CSK: variants seen among roughly 807,000 people sequenced by gnomAD.
CSK encodes the protein C-terminal Src kinase, also known as tyrosine-protein kinase CSK.
CSK carries 7 observed loss-of-function variants against 62.3 expected under a neutral mutation model. That is an observed-to-expected ratio of 0.11 (90% confidence interval 0.06 to 0.21). The LOEUF (loss-of-function observed/expected upper bound fraction) is 0.21, where lower values mean the gene tolerates loss of function less well. CSK is among the 10% of genes least tolerant of loss of function. The probability of loss-of-function intolerance (pLI) is 1.00; values close to 1 mark genes in which losing one functional copy is unlikely to be tolerated. For missense variants in CSK, 294 were observed against 613.5 expected, an observed-to-expected ratio of 0.48 and a Z score of 5.50; for synonymous variants, 237 against 246.0, an observed-to-expected ratio of 0.96 and a Z score of 0.34.
In CSK at chr15:74,786,002, C is replaced by CTTTTTTTTTTTTT. The variant is rs536939856; in HGVS notation, c.-66+3294_-66+3295insTTTTTTTTTTTTT. On this transcript the variant is annotated intron_variant, in intron 1 of 12. Transcript: ENST00000220003. ...AGGCCTCTTCTCTCTCTCTCTCTCT[C>CTTTTTTTTTTTTT]TTTTTTTTTTTTGTGTGTGTGTGTG... is the stretch of plus-strand genomic sequence containing the variant. Among the ~76,000 whole-genome samples, 26 of 73,618 alleles carry CTTTTTTTTTTTTT rather than the reference C, an allele frequency of 3.5e-4. 1 individual carries two copies. Among genetic ancestry groups the CTTTTTTTTTTTTT allele is most frequent in the Middle Eastern group, 0.018 (2 of 114 alleles). The allele number at this position is 73,618 out of a possible 152,430, so 48.3% of individuals were successfully genotyped here.
Position 74,793,525 on chromosome 15 carries a change from G to A in CSK, c.-65-4708G>A, listed in dbSNP as rs114733043. Among the ~76,000 whole-genome samples the A allele has an allele frequency of 5.3e-3, 811 of 152,310 alleles. 8 individuals carry two copies. The highest frequency in any genetic ancestry group is 0.018 in the African/African-American group (761 of 41,560). On this transcript the variant is annotated intron_variant, in intron 1 of 12. Transcript: ENST00000220003. ...AGCTCAGGAGTTTGACACCTGAGGG[G>A]GACAGAATGCTCACTCAAGGTGTGG...
At position 74,802,963 on chromosome 15, in the gene CSK, G is replaced by C. The variant is rs912764693; in HGVS notation, c.*450G>C. ...GTGGGGGGGACCGGGCCCCTCTCTA[G>C]GGACCCCTCGCCCCAGCCTCATTCC... On this transcript the variant is annotated 3_prime_UTR_variant, in exon 13 of 13. Transcript: ENST00000220003. The C allele has an allele frequency of 2.3e-5, 4 of 171,800 alleles. No individual in the cohort carries two copies. The highest frequency in any genetic ancestry group is 1.3e-4 in the Admixed American group (2 of 15,384). The allele number at this position is 171,800 out of a possible 1,614,324, so 10.6% of individuals were successfully genotyped here. A position where few individuals can be genotyped will look rare whatever the true frequency, so the allele number is the denominator to read the frequency against.
chr15:74,802,114 C>A (rs1402718176), intron 12 of CSK, 31 bp downstream of exon 12: 19 of 1,605,762 alleles, frequency 1.2e-5, no homozygotes, highest in Non-Finnish European at 1.4e-5. Context: ...CAGGGTGGCT[C>A]TTGGAGCACC....
intron 1 of CSK, among the ~76,000 whole-genome samples, chr15:74,789,834 A>G (rs2063589883): frequency 6.6e-6 from 1 of 152,186 alleles, no homozygotes. Flanking sequence ...GGCACTGAAC[A>G]TACCAGGCCA....
intron 1 of CSK, among the ~76,000 whole-genome samples, chr15:74,786,627 G>T (rs1313862464): frequency 6.6e-6 from 1 of 152,158 alleles, no homozygotes; most frequent in Admixed American, 6.5e-5. Flanking sequence ...TGTTCCCCAG[G>T]TCTAACCTGA....
intron 1 of CSK, among the ~76,000 whole-genome samples, chr15:74,786,770 T>C (rs2063528087): frequency 6.6e-6 from 1 of 152,132 alleles, no homozygotes. Context: ...ACCCTGGGCC[T>C]AAGAGACTGT....
At chr15:74,789,384 G>A (rs982224381) in intron 1 of CSK, among the ~76,000 whole-genome samples, 3 of 152,206 alleles carry the variant, frequency 2.0e-5, no homozygotes, top group South Asian at 4.1e-4. Flanking sequence ...CGCAGGCTGC[G>A]GGGGTCAGTG....
At position 74,801,987 on chromosome 15, in the gene CSK, C is replaced by T; in HGVS notation, c.1084-10C>T. ...AGGATCTGACGCTGCTTCTTCCATC[C>T]ACATGGCAGAAATTCTCCACTAAGT... On this transcript the variant is annotated splice_polypyrimidine_tract_variant and intron_variant, in intron 11 of 12. Transcript: ENST00000220003. 1 of 1,613,346 alleles carries T rather than the reference C, an allele frequency of 6.2e-7. No homozygotes were observed. The highest frequency in any genetic ancestry group is 8.5e-7 in the Non-Finnish European group (1 of 1,179,546).
rs1313037569 is a variant in CSK at position 74,798,859 on chromosome 15, G to A, written c.163G>A (p.Gly55Ser). Residue 55 changes from glycine (G) to serine (S), a missense_variant, in exon 4 of 13, where the codon GGC (glycine) becomes AGC (serine). Around this residue, in one of 3 missense-constraint regions of CSK, gnomAD observed 202 missense variants for 415.7 expected, o/e 0.49. Coordinates refer to ENST00000220003, the MANE Select transcript of CSK (RefSeq NM_004383.3). This position sits in a 1 kb window ranked among gnomAD's most constrained non-coding sequence, Gnocchi z 6.6. Reference protein sequence around the residue: ...PNWYKAKNKVGREGIIPANYV... With the variant: ...PNWYKAKNKVSREGIIPANYV... The stretch of plus-strand genomic sequence containing the variant: ...CTGGTACAAAGCCAAAAACAAGGTG[G>A]GCCGTGAGGGCATCATCCCAGCCAA... 2 of 1,576,114 alleles carry A rather than the reference G, an allele frequency of 1.3e-6. No individual in the cohort carries two copies. Among genetic ancestry groups the A allele is most frequent in the Non-Finnish European group, 8.6e-7 (1 of 1,160,316 alleles).
At position 74,799,656 on chromosome 15, in the gene CSK, G is replaced by A. The variant is rs532572279; in HGVS notation, c.462+165G>A. Among the ~76,000 whole-genome samples the A allele has an allele frequency of 9.8e-5, 15 of 152,290 alleles. No homozygotes were observed. In the South Asian group the frequency reaches 2.5e-3, roughly 25 times the overall value. On this transcript the variant is annotated intron_variant, in intron 5 of 12. Transcript: ENST00000220003. ...CACACCTTGGTGGAGCAGCTGCTGC[G>A]TGCCAGGACTCACCTCTGACCCCAC...
In CSK at chr15:74,798,754, A is replaced by C. The variant is rs1471438640; in HGVS notation, c.129+26A>C. 1 of 1,609,316 alleles carries C rather than the reference A, an allele frequency of 6.2e-7. No individual in the cohort carries two copies. Among genetic ancestry groups the C allele is most frequent in the African/African-American group, 1.3e-5 (1 of 74,962 alleles). ...GTAATCAGGTGACGCCCACCCCACC[A>C]TCCCACTGCTGGGCCTTCCCTCTGC... On this transcript the variant is annotated intron_variant, in intron 3 of 12. Coordinates refer to ENST00000220003, the MANE Select transcript of CSK (RefSeq NM_004383.3). The surrounding 1 kb of genome is among the most constrained non-coding windows in gnomAD (Gnocchi z 6.6).
chr15:74,782,679 C>G lies in CSK; in HGVS notation c.-107C>G, dbSNP rs1261107169. ...GGACCGTCCCGCAGGCCGCTGATGC[C>G]GCCCGCGGCGAGGTGGCCCGGACCG... On this transcript the variant is annotated 5_prime_UTR_variant, in exon 1 of 13. Transcript: ENST00000220003. This position sits in a 1 kb window ranked among gnomAD's most constrained non-coding sequence, Gnocchi z 5.7. The G allele has an allele frequency of 6.5e-6, 1 of 153,074 alleles. No individual in the cohort carries two copies. The highest frequency in any genetic ancestry group is 2.4e-5 in the African/African-American group (1 of 41,546). 9.5% of individuals were successfully genotyped at this position (153,074 alleles called of 1,614,324 possible).
In CSK at chr15:74,801,081, C is replaced by G; in HGVS notation, c.792C>G (p.Ile264Met). The G allele has an allele frequency of 6.2e-7, 1 of 1,613,294 alleles. No homozygotes were observed. The highest frequency in any genetic ancestry group is 8.5e-7 in the Non-Finnish European group (1 of 1,179,974). Residue 264 changes from isoleucine to methionine, a missense_variant, in exon 9 of 13, where the codon ATC becomes ATG. Around this residue, in one of 3 missense-constraint regions of CSK, gnomAD observed 202 missense variants for 415.7 expected, o/e 0.49. Coordinates refer to ENST00000220003, the MANE Select transcript of CSK (RefSeq NM_004383.3). ...VIVEEKGGLY[I>M]VTEYMAKGSL... ...TGGAGGAGAAGGGCGGGCTCTACATCGTCACTGAGTACATGGCCAAGGTGG... is the reference window on the plus strand; with the variant it reads ...TGGAGGAGAAGGGCGGGCTCTACATGGTCACTGAGTACATGGCCAAGGTGG...
intron 4 of CSK, 22 bp from the exon 5 acceptor site, chr15:74,799,250 C>A: frequency 6.3e-7 from 1 of 1,596,280 alleles, no homozygotes; most frequent in Non-Finnish European, 8.5e-7. Context: ...CCACCATGAC[C>A]TCCAGCCCTG....
In CSK at chr15:74,800,396, C is replaced by T; in HGVS notation, c.463-16C>T. The T allele has an allele frequency of 3.1e-6, 5 of 1,612,096 alleles. No homozygotes were observed. Among genetic ancestry groups the T allele is most frequent in the Non-Finnish European group, 4.2e-6 (5 of 1,178,844 alleles). On this transcript the variant is annotated splice_polypyrimidine_tract_variant and intron_variant, in intron 5 of 12. Coordinates refer to ENST00000220003, the MANE Select transcript of CSK (RefSeq NM_004383.3). ...CTTGGGCTGTCTCTGAGCACCCTGC[C>T]CCCCACACCCTGCAGCACTACACCT...
At position 74,799,268 on chromosome 15, in the gene CSK, C is replaced by T; in HGVS notation, c.243-4C>T. On this transcript the variant is annotated splice_region_variant and splice_polypyrimidine_tract_variant and intron_variant, in intron 4 of 12. Transcript: ENST00000220003. ...CCATGACCTCCAGCCCTGCTGCTCC[C>T]CAGTTGGTTCCACGGCAAGATCACA... 6.2e-7 allele frequency: 1 copy of T among 1,605,680 alleles called. No homozygotes were observed. The highest frequency in any genetic ancestry group is 8.5e-7 in the Non-Finnish European group (1 of 1,176,430).
intron 1 of CSK, among the ~76,000 whole-genome samples, chr15:74,784,680 G>A (rs1011621646): frequency 6.6e-6 from 1 of 152,208 alleles, no homozygotes; most frequent in Non-Finnish European, 1.5e-5. Flanking sequence ...GCAAGGGTTG[G>A]AAATTTCGGG....
chr15:74,786,317 C>G (rs1369623155), intron 1 of CSK, among the ~76,000 whole-genome samples: 1 of 152,066 alleles, frequency 6.6e-6, no homozygotes, highest in African/African-American at 2.4e-5. Context: ...CACTGCGCCT[C>G]TTCTGTAAGA....
intron 1 of CSK, among the ~76,000 whole-genome samples, chr15:74,791,603 C>G (rs545173746): frequency 3.9e-5 from 6 of 152,202 alleles, no homozygotes; most frequent in Admixed American, 6.5e-5. Flanking sequence ...CCCGACCACC[C>G]CTTGATATAG....
Sources: allele counts gnomAD v4.1 joint callset (sites outside exome capture counted in the v4.1 genomes callset), GRCh38; gene constraint gnomAD v4.1.1; regional missense constraint gnomAD v4.1.1; non-coding constraint Gnocchi (gnomAD v3.1); transcripts MANE v1.5; gene names NCBI Gene and HGNC (gene_info 2026-07-23, HGNC 2026-07-21).